Variants in MDGA2 observed in about 807,000 individuals in gnomAD.
MDGA2 encodes MAM domain-containing glycosylphosphatidylinositol anchor protein 2.
MDGA2 carries 40 observed loss-of-function variants against 117.8 expected under a neutral mutation model. That is an observed-to-expected ratio of 0.34 (90% confidence interval 0.26 to 0.44). The LOEUF (loss-of-function observed/expected upper bound fraction) is 0.44, where lower values mean the gene tolerates loss of function less well. MDGA2 is among the 20% of genes least tolerant of loss of function. The pLI, the probability that MDGA2 is intolerant of heterozygous loss-of-function variation, is 1.00. For missense variants in MDGA2, 1,123 were observed against 1,250.6 expected (o/e 0.90, Z 1.54); for synonymous variants, 452 against 439.0 (o/e 1.03, Z -0.37).
At chr14:47,044,072 G>GT (rs955884135) in intron 7 of MDGA2, among the ~76,000 whole-genome samples, 110 of 145,072 alleles carry the variant, frequency 7.6e-4, no homozygotes, top group South Asian at 3.3e-3. Flanking sequence ...CATTTTAAAG[G>GT]TTTTTTTTTT....
intron 1 of MDGA2, among the ~76,000 whole-genome samples, chr14:47,330,812 A>G (rs1169345430): frequency 1.3e-5 from 2 of 151,978 alleles, no homozygotes; most frequent in Non-Finnish European, 2.9e-5. Flanking sequence ...AATACATATG[A>G]GTAAAATGAA....
intron 2 of MDGA2, among the ~76,000 whole-genome samples, chr14:47,267,018 A>G (rs1255620776): frequency 6.6e-6 from 1 of 152,148 alleles, no homozygotes; most frequent in Non-Finnish European, 1.5e-5. Context: ...AGTGGCTTAC[A>G]TGGTAATGGT....
intron 1 of MDGA2, among the ~76,000 whole-genome samples, chr14:47,567,909 C>T (rs1442041722): frequency 6.6e-6 from 1 of 152,002 alleles, no homozygotes; most frequent in Non-Finnish European, 1.5e-5. Flanking sequence ...CCTCTGCTTG[C>T]TGGCATGTTC....
At chr14:47,342,831 T>C in intron 1 of MDGA2, 2 of 336,488 alleles carry the variant, frequency 5.9e-6, no homozygotes, top group South Asian at 4.5e-5. Flanking sequence ...ATGTTGTACT[T>C]CTATTAAACA....
At chr14:47,295,946 A>G (rs778552847) in intron 2 of MDGA2, among the ~76,000 whole-genome samples, 13 of 150,054 alleles carry the variant, frequency 8.7e-5, no homozygotes, top group African/African-American at 1.7e-4. Flanking sequence ...AGATAGATAG[A>G]TAGATAGATA....
intron 1 of MDGA2, among the ~76,000 whole-genome samples, chr14:47,666,953 C>T (rs530471089): frequency 2.6e-4 from 39 of 152,158 alleles, no homozygotes; most frequent in South Asian, 8.3e-4. Flanking sequence ...CCTGAGCCAG[C>T]GAGACCACAA....
chr14:47,588,229 GAT>G (rs1243073183), intron 1 of MDGA2, among the ~76,000 whole-genome samples: 2 of 102,004 alleles, frequency 2.0e-5, no homozygotes, highest in Non-Finnish European at 1.9e-5. Context: ...ATCTCTTGGA[GAT>G]AGATAGATAT....
At chr14:46,873,362 GTGTGTTTATGAACCTTTT>G in intron 14 of MDGA2, 53 bp downstream of exon 14, 1 of 1,364,154 alleles carries the variant, frequency 7.3e-7, no homozygotes, top group Non-Finnish European at 9.8e-7. Flanking sequence ...TTTTAATGCT[GTGTGTTTATGAACCTTTT>G]TCTTCTTAGT....
chr14:46,866,280 A>C (rs924275360), intron 14 of MDGA2, among the ~76,000 whole-genome samples: 22 of 152,120 alleles, frequency 1.4e-4, no homozygotes, highest in African/African-American at 5.3e-4. Context: ...TGAGAAAAAC[A>C]AGCAATGGGG....
intron 1 of MDGA2, among the ~76,000 whole-genome samples, chr14:47,636,885 T>G (rs1045205755): frequency 6.9e-6 from 1 of 144,284 alleles, no homozygotes; most frequent in African/African-American, 2.6e-5. Context: ...GGCAGGAGAA[T>G]CACTTGAATC....
At chr14:47,093,490 T>A (rs1455296254) in intron 6 of MDGA2, among the ~76,000 whole-genome samples, 1 of 152,034 alleles carries the variant, frequency 6.6e-6, no homozygotes, top group Admixed American at 6.6e-5. Context: ...GAGCTCAGGG[T>A]GTACAACACG....
chr14:47,090,720 G>C (rs1208116607), intron 6 of MDGA2, among the ~76,000 whole-genome samples: 1 of 152,116 alleles, frequency 6.6e-6, no homozygotes, highest in Non-Finnish European at 1.5e-5. Context: ...AACCCATGCA[G>C]TTCTTGGAAC....
intron 1 of MDGA2, among the ~76,000 whole-genome samples, chr14:47,633,137 C>A (rs376193131): frequency 6.6e-6 from 1 of 152,166 alleles, no homozygotes; most frequent in African/African-American, 2.4e-5. Context: ...ATCCTAACTG[C>A]GCTCATCATG....
intron 5 of MDGA2, among the ~76,000 whole-genome samples, chr14:47,129,750 C>T (rs1238234543): frequency 7.0e-6 from 1 of 143,460 alleles, no homozygotes; most frequent in South Asian, 2.2e-4. Flanking sequence ...CTCTCCAGCA[C>T]CTGTTGTTTC....
At chr14:46,885,581 TG>T (rs2138401825) in intron 10 of MDGA2, among the ~76,000 whole-genome samples, 1 of 152,284 alleles carries the variant, frequency 6.6e-6, no homozygotes, top group African/African-American at 2.4e-5. Flanking sequence ...TTTGTATAGA[TG>T]TAAAACAATG....
chr14:47,278,947 A>T (rs1309982278), intron 2 of MDGA2, among the ~76,000 whole-genome samples: 1 of 152,140 alleles, frequency 6.6e-6, no homozygotes, highest in Non-Finnish European at 1.5e-5. Flanking sequence ...ATATATAGGA[A>T]GGCTTTATTA....
At chr14:47,352,273 T>A (rs759851280) in intron 1 of MDGA2, among the ~76,000 whole-genome samples, 1 of 152,172 alleles carries the variant, frequency 6.6e-6, no homozygotes, top group Admixed American at 6.5e-5. Flanking sequence ...CTCAGCATAA[T>A]TCTTCATGAA....
intron 1 of MDGA2, among the ~76,000 whole-genome samples, chr14:47,502,411 A>G (rs2138674850): frequency 6.6e-6 from 1 of 152,310 alleles, no homozygotes; most frequent in South Asian, 2.1e-4. Flanking sequence ...GCTCCCTCAC[A>G]GAACTAAATT....
intron 1 of MDGA2, among the ~76,000 whole-genome samples, chr14:47,648,982 T>C (rs984388886): frequency 6.6e-6 from 1 of 152,162 alleles, no homozygotes; most frequent in Non-Finnish European, 1.5e-5. Context: ...TTAAAAATGA[T>C]GGTTTATATA....
Sources: allele counts gnomAD v4.1 joint callset (sites outside exome capture counted in the v4.1 genomes callset), GRCh38; gene constraint gnomAD v4.1.1; transcripts MANE v1.5; gene names NCBI Gene and HGNC (gene_info 2026-07-23, HGNC 2026-07-21).